Variants in SGCZ observed in about 807,000 individuals in gnomAD.
SGCZ encodes the protein sarcoglycan zeta.
SGCZ carries 40 observed loss-of-function variants against 41.3 expected under a neutral mutation model. The ratio of observed to expected loss-of-function variants is 0.97; its 90% CI spans 0.75 to 1.26. The LOEUF (loss-of-function observed/expected upper bound fraction) is 1.26. SGCZ is among the 50% of genes most tolerant of loss of function. SGCZ has a pLI of 0.00. For missense variants in SGCZ, 552 were observed against 369.8 expected (o/e 1.49, Z -4.04); for synonymous variants, 206 against 137.5 (o/e 1.50, Z -3.49).
At chr8:15,198,442 T>G (rs1405130684) in intron 1 of SGCZ, among the ~76,000 whole-genome samples, 1 of 152,146 alleles carries the variant, frequency 6.6e-6, no homozygotes, top group Non-Finnish European at 1.5e-5. Context: ...TACTACTCAT[T>G]CTAATAAGAA....
intron 1 of SGCZ, among the ~76,000 whole-genome samples, chr8:14,579,681 G>A (rs1449054454): frequency 2.6e-5 from 4 of 152,042 alleles, no homozygotes; most frequent in Non-Finnish European, 5.9e-5. Context: ...TCTCTGCTTT[G>A]GGCAGTTAGA....
chr8:14,862,807 C>T (rs750887751), intron 1 of SGCZ, among the ~76,000 whole-genome samples: 5 of 151,692 alleles, frequency 3.3e-5, no homozygotes, highest in Non-Finnish European at 5.9e-5. Context: ...ACCTGCTTTC[C>T]CCTCTAGACA....
At chr8:14,624,558 T>TTATTTA (rs1563161349) in intron 1 of SGCZ, among the ~76,000 whole-genome samples, 20 of 43,476 alleles carry the variant, frequency 4.6e-4, no homozygotes, top group African/African-American at 1.3e-3. Flanking sequence ...TATTATTATT[T>TTATTTA]TTTTTTTTTT....
chr8:15,125,736 T>C (rs2116960824), intron 1 of SGCZ, among the ~76,000 whole-genome samples: 1 of 152,244 alleles, frequency 6.6e-6, no homozygotes, highest in East Asian at 1.9e-4. Context: ...CATGAAGTAC[T>C]ATGTCTACAG....
intron 1 of SGCZ, among the ~76,000 whole-genome samples, chr8:15,191,483 T>G (rs1203175540): frequency 6.6e-6 from 1 of 152,022 alleles, no homozygotes; most frequent in Non-Finnish European, 1.5e-5. Context: ...AATTTAAGAT[T>G]TTAAAGGTTT....
chr8:14,455,524 T>C (rs1201733236), intron 2 of SGCZ, among the ~76,000 whole-genome samples: 3 of 151,642 alleles, frequency 2.0e-5, no homozygotes, highest in Admixed American at 6.6e-5. Flanking sequence ...TTTCAATAGA[T>C]AGATAATACA....
chr8:14,704,904 G>T (rs1489887121), intron 1 of SGCZ, among the ~76,000 whole-genome samples: 1 of 151,844 alleles, frequency 6.6e-6, no homozygotes, highest in East Asian at 1.9e-4. Context: ...AGCACTATAA[G>T]AATCGATGCA....
At chr8:14,110,342 T>C (rs1802334599) in intron 5 of SGCZ, among the ~76,000 whole-genome samples, 1 of 152,056 alleles carries the variant, frequency 6.6e-6, no homozygotes, top group African/African-American at 2.4e-5. Context: ...GTGACAGAAA[T>C]ATAATTAAAC....
intron 1 of SGCZ, among the ~76,000 whole-genome samples, chr8:14,976,524 C>T (rs1177239315): frequency 6.6e-6 from 1 of 152,060 alleles, no homozygotes; most frequent in Non-Finnish European, 1.5e-5. Context: ...CTTATAAATA[C>T]ATTTAAGATA....
At chr8:14,524,222 T>A (rs1338671950) in intron 2 of SGCZ, among the ~76,000 whole-genome samples, 3 of 152,040 alleles carry the variant, frequency 2.0e-5, no homozygotes, top group African/African-American at 7.2e-5. Flanking sequence ...GTTTTAGTTT[T>A]TTTTTTTTCC....
chr8:15,068,963 T>A (rs1449611533), intron 1 of SGCZ, among the ~76,000 whole-genome samples: 1 of 152,160 alleles, frequency 6.6e-6, no homozygotes, highest in Admixed American at 6.5e-5. Flanking sequence ...ATTTATTCTT[T>A]AAAAACAGTA....
chr8:14,201,833 G>C (rs1805465532), intron 4 of SGCZ, among the ~76,000 whole-genome samples: 1 of 151,516 alleles, frequency 6.6e-6, no homozygotes, highest in Non-Finnish European at 1.5e-5. Flanking sequence ...AAGATTATCA[G>C]AAGTATCACT....
At chr8:14,551,523 T>A (rs1463166268) in intron 2 of SGCZ, among the ~76,000 whole-genome samples, 1 of 10,842 alleles carries the variant, frequency 9.2e-5, no homozygotes, top group Non-Finnish European at 1.3e-4. Flanking sequence ...ATATTATATA[T>A]AATATATATA....
At chr8:15,203,363 A>G (rs755630369) in intron 1 of SGCZ, among the ~76,000 whole-genome samples, 5 of 152,116 alleles carry the variant, frequency 3.3e-5, no homozygotes, top group Non-Finnish European at 7.3e-5. Flanking sequence ...TGGCTTCTCA[A>G]TTATACCAAT....
At chr8:14,680,964 G>GAAAAAAAAA (rs71209075) in intron 1 of SGCZ, among the ~76,000 whole-genome samples, 9 of 117,934 alleles carry the variant, frequency 7.6e-5, no homozygotes, top group East Asian at 6.2e-4. Flanking sequence ...AAAAGAGTGG[G>GAAAAAAAAA]AAAAAAAAAA....
intron 2 of SGCZ, among the ~76,000 whole-genome samples, 171 bp from the exon 3 acceptor site, chr8:14,324,375 A>C (rs2117033000): frequency 6.6e-6 from 1 of 152,250 alleles, no homozygotes; most frequent in African/African-American, 2.4e-5. Flanking sequence ...GCATGCATAT[A>C]GAGGGCTCTA....
intron 5 of SGCZ, among the ~76,000 whole-genome samples, chr8:14,160,336 G>A (rs1563160090): frequency 1.3e-5 from 2 of 152,262 alleles, no homozygotes; most frequent in Non-Finnish European, 2.9e-5. Context: ...ACTGCAGATT[G>A]CAGTTGATTG....
chr8:15,032,649 G>A (rs902920113), intron 1 of SGCZ, among the ~76,000 whole-genome samples: 3 of 152,094 alleles, frequency 2.0e-5, no homozygotes, highest in African/African-American at 7.2e-5. Context: ...TGCCCACAGG[G>A]GCCTTGGGCT....
intron 1 of SGCZ, among the ~76,000 whole-genome samples, chr8:15,113,082 G>A (rs550984145): frequency 9.2e-5 from 14 of 151,910 alleles, no homozygotes; most frequent in South Asian, 4.2e-4. Context: ...GGTTGTGAGC[G>A]CCTGTAGTTC....
Sources: gnomAD v4.1 joint callset for allele counts (sites outside exome capture counted in the v4.1 genomes callset) on GRCh38, gnomAD v4.1.1 for gene constraint, MANE v1.5 for transcripts, NCBI Gene and HGNC (gene_info 2026-07-23, HGNC 2026-07-21) for gene names.